The following TASP1 variants were observed in gnomAD, a reference collection of about 807,000 sequenced individuals.
The protein encoded by TASP1 is threonine aspartase 1.
In TASP1, 16 loss-of-function variants were observed where a neutral mutation model predicts 56.6. The observed-to-expected ratio is 0.28, with a 90% CI of 0.19 to 0.43. The LOEUF is 0.43. Among genes scored for constraint, TASP1 ranks in the 20% least tolerant of loss-of-function variants. The pLI is 1.00. For synonymous variants in TASP1, 179 were observed against 184.2 expected (o/e 0.97, Z 0.23); for missense variants, 393 against 511.6 (o/e 0.77, Z 2.24).
intron 11 of TASP1, among the ~76,000 whole-genome samples, chr20:13,482,453 T>C (rs1415260253): frequency 1.3e-5 from 2 of 152,210 alleles, no homozygotes; most frequent in Non-Finnish European, 2.9e-5. Flanking sequence ...ATGTCATTTG[T>C]ATTTTGATAG....
intron 5 of TASP1, among the ~76,000 whole-genome samples, chr20:13,581,562 G>A (rs942341519): frequency 2.0e-5 from 3 of 152,164 alleles, no homozygotes; most frequent in Non-Finnish European, 2.9e-5. Flanking sequence ...GTAAAAGATT[G>A]TAACCTAAAA....
intron 4 of TASP1, among the ~76,000 whole-genome samples, chr20:13,612,669 GA>G (rs2048388442): frequency 6.6e-6 from 1 of 152,020 alleles, no homozygotes; most frequent in African/African-American, 2.4e-5. Flanking sequence ...CCCACATAGG[GA>G]AAAGTTGACT....
chr20:13,281,051 C>T, the TASP1 span, among the ~76,000 whole-genome samples: 2 of 152,212 alleles, frequency 1.3e-5, no homozygotes, highest in African/African-American at 4.8e-5. Context: ...ACAGTCATTT[C>T]TTCTCATTAA....
chr20:13,304,018 A>G, the TASP1 span, among the ~76,000 whole-genome samples: 1 of 152,204 alleles, frequency 6.6e-6, no homozygotes, highest in Non-Finnish European at 1.5e-5. Context: ...GACTCCTTCC[A>G]TCTTGTGGCT....
chr20:13,109,552 T>G, the TASP1 span, among the ~76,000 whole-genome samples: 6 of 152,224 alleles, frequency 3.9e-5, no homozygotes, highest in Non-Finnish European at 8.8e-5. Flanking sequence ...TAGGGCTCAA[T>G]AACTGTGAGC....
chr20:13,254,253 A>G, the TASP1 span, among the ~76,000 whole-genome samples: 1 of 151,584 alleles, frequency 6.6e-6, no homozygotes, highest in Admixed American at 6.6e-5. Context: ...AAATAAATAA[A>G]TAAAGCAAAT....
At chr20:13,594,689 A>C (rs765147436) in intron 4 of TASP1, among the ~76,000 whole-genome samples, 1 of 152,240 alleles carries the variant, frequency 6.6e-6, no homozygotes, top group Non-Finnish European at 1.5e-5. Context: ...AAGAGTAAAA[A>C]GAAACAAACA....
chr20:13,107,956 C>T, the TASP1 span, among the ~76,000 whole-genome samples: 5 of 151,592 alleles, frequency 3.3e-5, no homozygotes, highest in Non-Finnish European at 7.4e-5. Flanking sequence ...GTGATGTTTT[C>T]TTAAGGATGT....
the TASP1 span, chr20:13,221,655 T>C: frequency 9.7e-4 from 809 of 834,180 alleles, 5 homozygotes; most frequent in African/African-American, 0.014. Flanking sequence ...AGCGGAGCCC[T>C]GGCGGGAGCC....
chr20:13,438,425 A>G (rs1313611152), intron 11 of TASP1, among the ~76,000 whole-genome samples: 4 of 152,220 alleles, frequency 2.6e-5, no homozygotes, highest in Non-Finnish European at 5.9e-5. Context: ...TATTTAATAA[A>G]TGGTGCTGGG....
At chr20:13,131,549 A>G in the TASP1 span, among the ~76,000 whole-genome samples, 898 of 152,316 alleles carry the variant, frequency 5.9e-3, 5 homozygotes, top group Middle Eastern at 0.01. Context: ...ATTTTCCAAT[A>G]GCTTTACCCA....
the TASP1 span, among the ~76,000 whole-genome samples, chr20:13,348,604 A>T: frequency 1.3e-5 from 2 of 152,322 alleles, no homozygotes; most frequent in Admixed American, 1.3e-4. Flanking sequence ...ATGAATTTTT[A>T]GCTGCTGACA....
the TASP1 span, chr20:13,117,551 G>A: frequency 1.2e-6 from 2 of 1,607,948 alleles, no homozygotes; most frequent in Non-Finnish European, 1.7e-6. Flanking sequence ...TAGCTCTAAA[G>A]AAGAAATACA....
At chr20:13,317,920 C>T in the TASP1 span, among the ~76,000 whole-genome samples, 269 of 3,276 alleles carry the variant, frequency 0.082, 1 homozygote, top group African/African-American at 0.29. Flanking sequence ...AGGCACTATC[C>T]GTGGAAAAAA....
chr20:13,227,684 A>G, the TASP1 span, among the ~76,000 whole-genome samples: 3 of 147,862 alleles, frequency 2.0e-5, no homozygotes, highest in Non-Finnish European at 4.5e-5. Context: ...AATTTTTTGT[A>G]TTTTTAGTAG....
chr20:13,255,994 G>A, the TASP1 span, among the ~76,000 whole-genome samples: 9 of 151,948 alleles, frequency 5.9e-5, no homozygotes, highest in East Asian at 7.8e-4. Flanking sequence ...ATGGAAAACC[G>A]TGAAGATCCA....
At chr20:13,279,788 A>G in the TASP1 span, 1 of 1,614,054 alleles carries the variant, frequency 6.2e-7, no homozygotes, top group Non-Finnish European at 8.5e-7. Context: ...GACCAGGACT[A>G]CAAGTACGAC....
intron 12 of TASP1, among the ~76,000 whole-genome samples, chr20:13,417,754 A>C (rs2042305325): frequency 6.6e-6 from 1 of 152,266 alleles, no homozygotes; most frequent in Non-Finnish European, 1.5e-5. Context: ...TATTACATGT[A>C]AAATAAATGC....
chr20:13,538,002 C>CT (rs202194017), intron 8 of TASP1, among the ~76,000 whole-genome samples: 1,977 of 139,546 alleles, frequency 0.014, 37 homozygotes, highest in African/African-American at 0.037. Context: ...ATCTATCAGT[C>CT]TTTTTTTTTT....
Sources: allele counts gnomAD v4.1 joint callset (sites outside exome capture counted in the v4.1 genomes callset), GRCh38; gene constraint gnomAD v4.1.1; transcripts MANE v1.5; gene names NCBI Gene and HGNC (gene_info 2026-07-23, HGNC 2026-07-21).